PLCG2: variants seen among roughly 807,000 people sequenced by gnomAD.
PLCG2 encodes 1-phosphatidylinositol 4,5-bisphosphate phosphodiesterase gamma-2.
A neutral mutation model predicts 175.6 loss-of-function variants in PLCG2; 69 were observed. The ratio of observed to expected loss-of-function variants is 0.39; its 90% CI spans 0.32 to 0.48. The LOEUF (loss-of-function observed/expected upper bound fraction) is 0.48, where lower values mean the gene tolerates loss of function less well. Among genes scored for constraint, PLCG2 ranks in the 20% least tolerant of loss-of-function variants. The probability of loss-of-function intolerance (pLI) is 0.91; values close to 1 mark genes in which losing one functional copy is unlikely to be tolerated. For missense variants in PLCG2, 1,798 were observed against 1,650.9 expected, an observed-to-expected ratio of 1.09 and a Z score of -1.54; for synonymous variants, 827 against 624.0, an observed-to-expected ratio of 1.33 and a Z score of -4.85.
chr16:81,810,663 G>A lies in PLCG2; in HGVS notation c.193+24481G>A, dbSNP rs544052844. ...TTCTTTCTTTTTATTTTTTGCTGGT[G>A]ATGTTGCTCTTTAAAATGGCCCTGA... On this transcript the variant is annotated intron_variant, in intron 2 of 32. Coordinates refer to ENST00000564138, the MANE Select transcript of PLCG2 (RefSeq NM_002661.5). Among the ~76,000 whole-genome samples, 37 of 148,912 alleles carry A rather than the reference G, an allele frequency of 2.5e-4. 1 individual carries two copies. The East Asian group carries it at 7.3e-3, about 29-fold the overall frequency.
At chr16:81,783,639 C>T (rs372283592) in intron 1 of PLCG2, among the ~76,000 whole-genome samples, 1 of 152,122 alleles carries the variant, frequency 6.6e-6, no homozygotes, top group Non-Finnish European at 1.5e-5. Flanking sequence ...TGCCGTATTT[C>T]CCATTGAGAT....
At chr16:81,775,162 T>A (rs945813996), upstream of PLCG2, among the ~76,000 whole-genome samples, 9 of 152,302 alleles carry the variant, frequency 5.9e-5, no homozygotes, top group South Asian at 2.1e-4. Context: ...GCAGCCATCG[T>A]CACAATCCAT....
At chr16:81,901,064 G>A (rs558704244) in intron 14 of PLCG2, among the ~76,000 whole-genome samples, 1 of 152,364 alleles carries the variant, frequency 6.6e-6, no homozygotes, top group South Asian at 2.1e-4. Flanking sequence ...GCGTGCAACT[G>A]CGCCTGTCAT....
chr16:81,811,929 C>G, intron 2 of PLCG2, among the ~76,000 whole-genome samples: 1 of 151,964 alleles, frequency 6.6e-6, no homozygotes, highest in Non-Finnish European at 1.5e-5. Flanking sequence ...GTGCTAGATC[C>G]TCGAGGAATT....
intron 1 of PLCG2, among the ~76,000 whole-genome samples, chr16:81,755,012 GC>G (rs1051517739): frequency 1.3e-5 from 2 of 151,826 alleles, no homozygotes; most frequent in Admixed American, 1.3e-4. Context: ...CCCTCTCTGA[GC>G]CCCCATTGCC....
At chr16:81,795,790 C>A (rs915676432) in intron 2 of PLCG2, among the ~76,000 whole-genome samples, 5 of 152,104 alleles carry the variant, frequency 3.3e-5, no homozygotes, top group African/African-American at 1.2e-4. Context: ...GCCTTGAACT[C>A]CTCGGATCAA....
At chr16:81,909,565 T>C (rs1020664692) in intron 17 of PLCG2, among the ~76,000 whole-genome samples, 6 of 152,156 alleles carry the variant, frequency 3.9e-5, no homozygotes, top group African/African-American at 1.4e-4. Context: ...TACAGGCACA[T>C]GCCACGACAC....
chr16:81,901,974 C>T (rs528581928), intron 14 of PLCG2, among the ~76,000 whole-genome samples: 4 of 152,306 alleles, frequency 2.6e-5, no homozygotes, highest in Non-Finnish European at 5.9e-5. Context: ...TACACAAAAA[C>T]GGTGAAGGGA....
chr16:81,927,997 G>A (rs1178790237), intron 23 of PLCG2, among the ~76,000 whole-genome samples: 2 of 147,342 alleles, frequency 1.4e-5, no homozygotes, highest in African/African-American at 5.0e-5. Context: ...TTGGGGTGGT[G>A]CAGGCAAGGA....
intron 5 of PLCG2, among the ~76,000 whole-genome samples, chr16:81,860,001 C>T (rs999273593): frequency 6.6e-6 from 1 of 152,042 alleles, no homozygotes; most frequent in South Asian, 2.1e-4. Context: ...GGCAGGGTCT[C>T]TGTCTGTTGC....
At chr16:81,905,144 C>T (rs1301079187) in intron 14 of PLCG2, among the ~76,000 whole-genome samples, 1 of 152,260 alleles carries the variant, frequency 6.6e-6, no homozygotes, top group Non-Finnish European at 1.5e-5. Context: ...GCTTCAGCCT[C>T]CCAAAGTGCT....
rs368220809 is a variant in PLCG2, at chr16:81,827,190, G to GTTTTTTTTTTTTTTTTT, written c.194-27241_194-27240insTTTTTTTTTTTTTTTTT. 6.5e-4 allele frequency among the ~76,000 whole-genome samples: 94 copies of GTTTTTTTTTTTTTTTTT among 144,038 alleles called. 1 individual carries two copies. Among genetic ancestry groups the GTTTTTTTTTTTTTTTTT allele is most frequent in the African/African-American group, 1.8e-3 (70 of 38,786 alleles). 94.5% of individuals were successfully genotyped at this position (144,038 alleles called of 152,430 possible). Reference sequence around the variant, plus strand: ...CTCATACATTATAGAGGATTGCTGGGTTTTTTTTTTTTTGGGGACAGGGTC... The same window carrying GTTTTTTTTTTTTTTTTT: ...CTCATACATTATAGAGGATTGCTGGGTTTTTTTTTTTTTTTTTTTTTTTTTTTTTTGGGGACAGGGTC... On this transcript the variant is annotated intron_variant, in intron 2 of 32. Coordinates refer to ENST00000564138, the MANE Select transcript of PLCG2 (RefSeq NM_002661.5).
At chr16:81,904,744 A>G (rs942258544) in intron 14 of PLCG2, among the ~76,000 whole-genome samples, 1 of 152,220 alleles carries the variant, frequency 6.6e-6, no homozygotes, top group African/African-American at 2.4e-5. Flanking sequence ...GCAAAACAAC[A>G]TCCCTGCCCT....
chr16:81,905,190 A>G (rs1455873363), intron 14 of PLCG2, among the ~76,000 whole-genome samples: 5 of 152,170 alleles, frequency 3.3e-5, no homozygotes, highest in African/African-American at 1.2e-4. Flanking sequence ...CCTGACCAGT[A>G]TGGGCAATTT....
chr16:81,944,136 C>G (rs12925104), intron 30 of PLCG2, among the ~76,000 whole-genome samples: 103,212 of 152,040 alleles, frequency 0.68, 36,258 homozygotes, highest in East Asian at 0.8. Context: ...ATACTGAGCT[C>G]TGGGTGGTGA....
intron 2 of PLCG2, among the ~76,000 whole-genome samples, chr16:81,830,763 C>G (rs1344330373): frequency 1.3e-5 from 2 of 151,472 alleles, no homozygotes; most frequent in Non-Finnish European, 2.9e-5. Flanking sequence ...CCAGAGGACC[C>G]TGGAGGAGAC....
chr16:81,801,293 A>G (rs960372019), intron 2 of PLCG2, among the ~76,000 whole-genome samples: 1 of 152,184 alleles, frequency 6.6e-6, no homozygotes, highest in Non-Finnish European at 1.5e-5. Context: ...CCCTAGAGAA[A>G]TCAGTATCAT....
intron 13 of PLCG2, chr16:81,897,994 C>T (rs1352403027): frequency 2.5e-6 from 1 of 404,030 alleles, no homozygotes; most frequent in Non-Finnish European, 5.0e-6. Context: ...GCATTCTCCC[C>T]TGTGGGGTCC....
chr16:81,912,194 A>G (rs1390677914), intron 18 of PLCG2, among the ~76,000 whole-genome samples: 2 of 151,918 alleles, frequency 1.3e-5, no homozygotes, highest in Admixed American at 1.3e-4. Context: ...TGGCCTCCCA[A>G]AGTGCTGGGA....
Sources: gnomAD v4.1 joint callset for allele counts (sites outside exome capture counted in the v4.1 genomes callset) on GRCh38, gnomAD v4.1.1 for gene constraint, MANE v1.5 for transcripts, NCBI Gene and HGNC (gene_info 2026-07-23, HGNC 2026-07-21) for gene names.